Variants in DHX32 observed in about 807,000 individuals in gnomAD.
DHX32 encodes putative pre-mRNA-splicing factor ATP-dependent RNA helicase DHX32.
Under a neutral mutation model 70.0 loss-of-function variants are expected in DHX32, and 51 were observed. That is an observed-to-expected ratio of 0.73 (90% CI 0.58 to 0.92). The LOEUF is 0.92. Ranked by LOEUF, DHX32 falls within the 40% of genes least tolerant of loss-of-function variation. The pLI is 0.00. For missense variants in DHX32, 762 were observed against 891.8 expected (o/e 0.85, Z 1.85); for synonymous variants, 310 against 315.3 (o/e 0.98, Z 0.18).
intron 6 of DHX32, chr10:125,842,829 TTTTAAG>T: frequency 2.1e-6 from 2 of 937,010 alleles, no homozygotes; most frequent in Non-Finnish European, 2.5e-6. Context: ...TCTTTATTTC[TTTTAAG>T]TTTATGTAAC....
At chr10:125,860,042 G>T in intron 2 of DHX32, 67 bp from the exon 3 acceptor site, 1 of 1,354,204 alleles carries the variant, frequency 7.4e-7, no homozygotes. Flanking sequence ...TTCCTAACAA[G>T]AAAAATGCCT....
chr10:125,880,106 T>G (rs557300172), intron 1 of DHX32, among the ~76,000 whole-genome samples: 2 of 152,382 alleles, frequency 1.3e-5, no homozygotes, highest in East Asian at 3.9e-4. Context: ...GCTTTTGATT[T>G]CAGTAGCTCA....
At chr10:125,862,076 A>G in intron 2 of DHX32, among the ~76,000 whole-genome samples, 1 of 152,218 alleles carries the variant, frequency 6.6e-6, no homozygotes, top group Middle Eastern at 3.2e-3. Context: ...TTTATAAATG[A>G]GAAAACTGAA....
chr10:125,840,586 C>G (rs1160247261), intron 8 of DHX32, among the ~76,000 whole-genome samples: 1 of 152,218 alleles, frequency 6.6e-6, no homozygotes, highest in African/African-American at 2.4e-5. Flanking sequence ...CAAGCTTGCT[C>G]TGAAGGCTGG....
chr10:125,869,010 A>T (rs886511552), intron 1 of DHX32, among the ~76,000 whole-genome samples: 1 of 152,100 alleles, frequency 6.6e-6, no homozygotes, highest in Admixed American at 6.5e-5. Context: ...TTATCCTAGT[A>T]CTCAGTAATT....
At position 125,890,116 on chromosome 10, in the gene DHX32, T is replaced by C. The variant is rs568000727; in HGVS notation, c.-248+6102A>G. 7.9e-5 allele frequency among the ~76,000 whole-genome samples: 12 copies of C among 152,420 alleles called. No homozygotes were observed. The South Asian group carries it at 2.5e-3, about 32-fold the overall frequency. On this transcript the variant is annotated intron_variant, in intron 1 of 2. Coordinates refer to the DHX32 transcript ENST00000415732. ...GTTGCATCACTGGGGGTTGAAGAAA[T>C]ACTTGACACTAATGGCGATGTCAGG...
Position 125,881,129 on chromosome 10 carries a change from A to C in DHX32, c.-305T>G, listed in dbSNP as rs1479375099. On this transcript the variant is annotated 5_prime_UTR_variant, in exon 1 of 11. Transcript: ENST00000284690. ...AATTAGGAACACATATAAGTTAAAA[A>C]GAAAATGCACAGGAGTTCAAATGAA... 2.2e-5 allele frequency: 6 copies of C among 276,168 alleles called. No individual in the cohort carries two copies. The highest frequency in any genetic ancestry group is 5.1e-5 in the Admixed American group (1 of 19,520). The allele number at this position is 276,168 out of a possible 1,614,324, so 17.1% of individuals were successfully genotyped here.
intron 1 of DHX32, among the ~76,000 whole-genome samples, chr10:125,873,032 G>A (rs1369445881): frequency 1.3e-5 from 2 of 152,182 alleles, no homozygotes; most frequent in East Asian, 1.9e-4. Flanking sequence ...TGGGCTGCTG[G>A]GTAGTGGGAG....
At chr10:125,838,106 T>G in intron 10 of DHX32, 100 bp downstream of exon 10, 3 of 1,148,742 alleles carry the variant, frequency 2.6e-6, no homozygotes, top group South Asian at 1.6e-5. Flanking sequence ...ATTGCATCAG[T>G]ATAAACTTTA....
At chr10:125,842,824 ATTTC>A (rs1185402013) in intron 6 of DHX32, 1 of 938,304 alleles carries the variant, frequency 1.1e-6, no homozygotes, top group Non-Finnish European at 1.3e-6. Context: ...CCATCTCTTT[ATTTC>A]TTTTAAGTTT....
intron 2 of DHX32, among the ~76,000 whole-genome samples, chr10:125,864,200 T>C (rs1944205950): frequency 6.6e-6 from 1 of 152,226 alleles, no homozygotes; most frequent in African/African-American, 2.4e-5. Context: ...TCAGAGTATC[T>C]TCTGACTCTG....
In DHX32 at chr10:125,870,090, T is replaced by C. The variant is rs376810754; in HGVS notation, c.283-2907A>G. Among the ~76,000 whole-genome samples, 9 of 152,156 alleles carry C rather than the reference T, an allele frequency of 5.9e-5. No homozygotes were observed. In the South Asian group the frequency reaches 1.0e-3, roughly 18 times the overall value. ...AAATTGGAAAGTAAAATAAAATAAA[T>C]GAATGAAGCTAAAGAGCAGCATAAA... On this transcript the variant is annotated intron_variant, in intron 1 of 10. Transcript: ENST00000284690.
At chr10:125,882,613 A>G (rs1944323849), upstream of DHX32, among the ~76,000 whole-genome samples, 1 of 152,226 alleles carries the variant, frequency 6.6e-6, no homozygotes, top group Non-Finnish European at 1.5e-5. Context: ...GAGAGGCAGA[A>G]GAACTTCATA....
upstream of DHX32, among the ~76,000 whole-genome samples, chr10:125,883,892 G>A (rs141839878): frequency 1.3e-5 from 2 of 152,294 alleles, no homozygotes; most frequent in Non-Finnish European, 1.5e-5. Context: ...TGGGGACTCA[G>A]AACCCATGCC....
chr10:125,883,857 G>A (rs1944330637), upstream of DHX32, among the ~76,000 whole-genome samples: 1 of 152,166 alleles, frequency 6.6e-6, no homozygotes, highest in Admixed American at 6.5e-5. Flanking sequence ...AGACCAGACT[G>A]CTCTCCTGGA....
intron 6 of DHX32, among the ~76,000 whole-genome samples, chr10:125,847,474 G>C (rs1329783046): frequency 2.0e-5 from 3 of 152,088 alleles, no homozygotes; most frequent in Non-Finnish European, 4.4e-5. Flanking sequence ...GTAGCATAGG[G>C]AAGAACAAAA....
rs1401634850 is a variant in DHX32, at chr10:125,841,815, A to T, written c.1471T>A (p.Ser491Thr). 14 of 1,613,674 alleles carry T rather than the reference A, an allele frequency of 8.7e-6. No individual in the cohort carries two copies. The highest frequency in any genetic ancestry group is 1.2e-5 in the Non-Finnish European group (14 of 1,179,992). Residue 491 changes from serine (S) to threonine (T), a missense_variant, in exon 7 of 11, where the codon TCG becomes ACG. By Grantham distance (58) the Ser-to-Thr change is moderately conservative. Around this residue, in one of 3 missense-constraint regions of DHX32, gnomAD observed 366 missense variants for 402.6 expected, o/e 0.91. Transcript: ENST00000284690. ...TCACAGGACGCTAAGATAGACTTCG[A>T]GAGTTGTGGATCAAGAGGAAACTCT... is the stretch of plus-strand genomic sequence containing the variant. Reference protein sequence around the residue: ...MSEFPLDPQLSKSILASCEFD... With the variant: ...MSEFPLDPQLTKSILASCEFD...
intron 9 of DHX32, 28 bp from the exon 10 acceptor site, chr10:125,838,415 G>A: frequency 6.5e-7 from 1 of 1,532,930 alleles, no homozygotes; most frequent in East Asian, 2.3e-5. Flanking sequence ...AAAGAAAAAA[G>A]ATTTTGTATT....
At chr10:125,862,977 C>G (rs1047098462) in intron 2 of DHX32, among the ~76,000 whole-genome samples, 1 of 151,188 alleles carries the variant, frequency 6.6e-6, no homozygotes, top group African/African-American at 2.4e-5. Flanking sequence ...CTAATAAGTA[C>G]GTAAAAAAAA....
Sources: allele counts gnomAD v4.1 joint callset (sites outside exome capture counted in the v4.1 genomes callset), GRCh38; gene constraint gnomAD v4.1.1; regional missense constraint gnomAD v4.1.1; transcripts MANE v1.5; gene names NCBI Gene and HGNC (gene_info 2026-07-23, HGNC 2026-07-21).